The following PPA1 variants were observed in gnomAD, a reference collection of about 807,000 sequenced individuals.
PPA1 encodes the protein inorganic pyrophosphatase 1, also known as inorganic pyrophosphatase.
In PPA1, 23 loss-of-function variants were observed where a neutral mutation model predicts 41.8. The observed-to-expected ratio is 0.55, with a 90% CI of 0.40 to 0.78. PPA1 has a LOEUF of 0.78. Among genes scored for constraint, PPA1 ranks in the 30% least tolerant of loss-of-function variants. The pLI is 0.00. For synonymous variants in PPA1, 101 were observed against 116.8 expected, an observed-to-expected ratio of 0.86 and a Z score of 0.87; for missense variants, 320 against 361.6, an observed-to-expected ratio of 0.89 and a Z score of 0.93.
chr10:70,205,639 T>G (rs968342875), intron 9 of PPA1: 1 of 152,158 alleles, frequency 6.6e-6, no homozygotes, highest in East Asian at 1.9e-4. Context: ...GTTTCATCAT[T>G]AAATTGTCCT....
At chr10:70,213,421 T>C (rs763674677) in intron 6 of PPA1, 42 bp downstream of exon 6, 12 of 1,607,896 alleles carry the variant, frequency 7.5e-6, no homozygotes, top group Middle Eastern at 1.8e-4. Context: ...GTGGTGCTTA[T>C]GAATTAATTA....
At chr10:70,231,800 C>T (rs1306354268) in intron 1 of PPA1, among the ~76,000 whole-genome samples, 1 of 152,208 alleles carries the variant, frequency 6.6e-6, no homozygotes, top group East Asian at 1.9e-4. Flanking sequence ...ACAGTTACTT[C>T]AGCTAGTGCC....
At chr10:70,219,138 AGTGAT>A (rs1412889125) in intron 2 of PPA1, among the ~76,000 whole-genome samples, 1 of 152,146 alleles carries the variant, frequency 6.6e-6, no homozygotes, top group Non-Finnish European at 1.5e-5. Context: ...CCTGGCCTCA[AGTGAT>A]CCTCCTGCCT....
At chr10:70,227,245 C>T (rs1324847001) in intron 2 of PPA1, among the ~76,000 whole-genome samples, 1 of 152,186 alleles carries the variant, frequency 6.6e-6, no homozygotes, top group African/African-American at 2.4e-5. Flanking sequence ...ACCTTCTCTA[C>T]CCACTGGATT....
chr10:70,203,453 A>T, intron 10 of PPA1: 1 of 345,518 alleles, frequency 2.9e-6, no homozygotes, highest in Admixed American at 4.8e-5. Flanking sequence ...CCCAGATTGC[A>T]GTGCAGTGGC....
At chr10:70,217,741 T>C in intron 4 of PPA1, 71 bp downstream of exon 4, 1 of 1,325,048 alleles carries the variant, frequency 7.5e-7, no homozygotes, top group Non-Finnish European at 9.9e-7. Context: ...TCAAACCTTT[T>C]TTACTAATAG....
chr10:70,226,775 C>A (rs925329103), intron 2 of PPA1, among the ~76,000 whole-genome samples: 1 of 152,080 alleles, frequency 6.6e-6, no homozygotes, highest in Non-Finnish European at 1.5e-5. Context: ...AAGAAAAATG[C>A]ATTTATGCCA....
chr10:70,205,040 A>G (rs1462813744), intron 9 of PPA1, 125 bp from the exon 10 acceptor site: 41 of 674,138 alleles, frequency 6.1e-5, no homozygotes, highest in Non-Finnish European at 9.4e-5. Flanking sequence ...AACGTAATTT[A>G]TAATATATAG....
At position 70,233,392 on chromosome 10, in the gene PPA1, A is replaced by T; in HGVS notation, c.-65T>A. The T allele has an allele frequency of 6.6e-6, 10 of 1,520,606 alleles. No homozygotes were observed. Among genetic ancestry groups the T allele is most frequent in the South Asian group, 1.2e-5 (1 of 81,562 alleles). 94.2% of individuals were successfully genotyped at this position (1,520,606 alleles called of 1,614,324 possible). ...CAGCCCGCACGCGGCGCCGACTGAC[A>T]AGGAGAGAGCCCCACGCCTGCGCAC... On this transcript the variant is annotated 5_prime_UTR_variant, in exon 1 of 11. Transcript: ENST00000373232.
intron 8 of PPA1, among the ~76,000 whole-genome samples, chr10:70,207,874 T>C (rs532274295): frequency 1.3e-5 from 2 of 152,300 alleles, no homozygotes; most frequent in African/African-American, 2.4e-5. Flanking sequence ...ATTATAGTAC[T>C]AATATAATAT....
intron 2 of PPA1, among the ~76,000 whole-genome samples, chr10:70,219,224 A>G (rs1374704544): frequency 1.3e-5 from 2 of 152,114 alleles, no homozygotes; most frequent in Non-Finnish European, 2.9e-5. Flanking sequence ...TAAATCTTTT[A>G]ACTTTTCTGT....
rs75642053 is a variant in PPA1 at position 70,210,062 on chromosome 10, T to A, written c.512-377A>T. 2,537 of 315,860 alleles carry A rather than the reference T, an allele frequency of 8.0e-3. 64 individuals carry two copies. The highest frequency in any genetic ancestry group is 0.054 in the African/African-American group (2,388 of 44,348). The allele number at this position is 315,860 out of a possible 1,614,324, so 19.6% of individuals were successfully genotyped here. On this transcript the variant is annotated intron_variant, in intron 6 of 10. Transcript: ENST00000373232. ...TAATTCCTATGAGAAGTGTACAAGA[T>A]ACTGAAAAAGACAGAGGTTATCTTT... is the stretch of plus-strand genomic sequence containing the variant.
intron 6 of PPA1, 73 bp downstream of exon 6, chr10:70,213,390 T>G: frequency 6.4e-7 from 1 of 1,553,618 alleles, no homozygotes; most frequent in African/African-American, 1.4e-5. Flanking sequence ...CTTACAATTC[T>G]GTCATTATAG....
At chr10:70,230,888 G>A (rs1840283571) in intron 1 of PPA1, among the ~76,000 whole-genome samples, 1 of 152,212 alleles carries the variant, frequency 6.6e-6, no homozygotes. Context: ...TATGCACTCT[G>A]TAGGCATCTA....
chr10:70,230,255 C>A, intron 2 of PPA1, 86 bp downstream of exon 2: 1 of 1,474,904 alleles, frequency 6.8e-7, no homozygotes. Context: ...ATTTTAAGCA[C>A]TTGTTGAGAG....
chr10:70,216,879 T>C (rs984103116), intron 4 of PPA1, among the ~76,000 whole-genome samples: 1 of 152,208 alleles, frequency 6.6e-6, no homozygotes, highest in Admixed American at 6.5e-5. Flanking sequence ...CTCAAAAGGT[T>C]GACTATTAGG....
At chr10:70,230,271 T>C in intron 2 of PPA1, 70 bp downstream of exon 2, 5 of 1,539,924 alleles carry the variant, frequency 3.2e-6, no homozygotes, top group South Asian at 1.2e-5. Context: ...GAGAGACATA[T>C]AAGAAAATTC....
chr10:70,206,287 C>T lies in PPA1; in HGVS notation c.772G>A (p.Ala258Thr). The T allele has an allele frequency of 6.2e-7, 1 of 1,613,436 alleles. No homozygotes were observed. The highest frequency in any genetic ancestry group is 8.5e-7 in the Non-Finnish European group (1 of 1,179,498). The change falls in exon 9 of 11, where the codon GCT becomes ACT. Residue 258 changes from alanine (A) to threonine (T), a missense_variant. Ala to Thr is a moderately conservative substitution (Grantham distance 58). Transcript: ENST00000373232. The part of the protein sequence containing the change: ...SESPFKCDPD[A>T]ARAIVDALPP... ...ACAGCATCCACAATGGCTCTGGCAG[C>T]ATCAGGATCACACTTGAAGGGGCTC... is the stretch of plus-strand genomic sequence containing the variant.
chr10:70,218,566 G>A (rs1024227440), intron 3 of PPA1, 198 bp downstream of exon 3: 1 of 540,358 alleles, frequency 1.9e-6, no homozygotes, highest in Non-Finnish European at 3.3e-6. Context: ...GAAAAGTTTG[G>A]GGCATATTTG....
Sources: gnomAD v4.1 joint callset for allele counts (sites outside exome capture counted in the v4.1 genomes callset) on GRCh38, gnomAD v4.1.1 for gene constraint, MANE v1.5 for transcripts, NCBI Gene and HGNC (gene_info 2026-07-23, HGNC 2026-07-21) for gene names.